The following NRXN3 variants were observed in gnomAD, a reference collection of about 807,000 sequenced individuals.
NRXN3 encodes the protein neurexin III.
NRXN3 carries 32 observed loss-of-function variants against 137.6 expected under a neutral mutation model. The observed-to-expected ratio is 0.23, with a 90% CI of 0.18 to 0.31. The LOEUF is 0.31. Ranked by LOEUF, NRXN3 falls within the 10% of genes least tolerant of loss-of-function variation. NRXN3 has a pLI of 1.00. For synonymous variants in NRXN3, 798 were observed against 784.5 expected (o/e 1.02, Z -0.29); for missense variants, 1,574 against 2,062.5 (o/e 0.76, Z 4.59).
At chr14:78,256,187 G>A (rs530281479) in intron 2 of NRXN3, among the ~76,000 whole-genome samples, 13 of 152,160 alleles carry the variant, frequency 8.5e-5, no homozygotes, top group South Asian at 8.3e-4. Flanking sequence ...AGGCAGGCAC[G>A]TTGTTGTCAC....
At chr14:79,048,441 A>G (rs866410265) in intron 15 of NRXN3, among the ~76,000 whole-genome samples, 2 of 152,288 alleles carry the variant, frequency 1.3e-5, no homozygotes, top group Middle Eastern at 3.4e-3. Flanking sequence ...ATCTCAATAA[A>G]TTGATTGACA....
chr14:78,278,397 G>A (rs2073920673), intron 2 of NRXN3, among the ~76,000 whole-genome samples: 1 of 152,180 alleles, frequency 6.6e-6, no homozygotes, highest in Admixed American at 6.5e-5. Flanking sequence ...CCGGACAGAT[G>A]TGAAGCTTAC....
intron 15 of NRXN3, among the ~76,000 whole-genome samples, chr14:79,297,644 A>T (rs75179562): frequency 0.016 from 2,389 of 152,260 alleles, 74 homozygotes; most frequent in African/African-American, 0.054. Flanking sequence ...GGAAGGACTC[A>T]TTAGCAAACT....
Position 78,926,785 on chromosome 14 carries a change from T to A in NRXN3, c.2276-30457T>A, listed in dbSNP as rs1422722622. Among the ~76,000 whole-genome samples the A allele has an allele frequency of 1.1e-4, 3 of 26,230 alleles. No homozygotes were observed. In the African/African-American group the frequency reaches 1.3e-3, roughly 11 times the overall value. 17.2% of individuals were successfully genotyped at this position (26,230 alleles called of 152,430 possible). A position where few individuals can be genotyped will look rare whatever the true frequency, so the allele number is the denominator to read the frequency against. On this transcript the variant is annotated intron_variant, in intron 10 of 20. Transcript: ENST00000335750. Reference sequence around the variant, plus strand: ...TATTATATATATTATATATATAAAATATATTATATATTATATATTTATATA... The same window carrying A: ...TATTATATATATTATATATATAAAAAATATTATATATTATATATTTATATA...
intron 16 of NRXN3, among the ~76,000 whole-genome samples, chr14:79,585,308 C>A (rs1324447334): frequency 2.0e-5 from 3 of 152,096 alleles, no homozygotes; most frequent in Non-Finnish European, 4.4e-5. Flanking sequence ...AGTAATCATG[C>A]CCAATATAGT....
intron 15 of NRXN3, among the ~76,000 whole-genome samples, chr14:79,253,759 A>T (rs948191045): frequency 6.6e-6 from 1 of 152,198 alleles, no homozygotes; most frequent in Non-Finnish European, 1.5e-5. Context: ...CTCACTCACT[A>T]TCATGAGAAC....
chr14:78,372,333 T>A (rs1040587702), intron 4 of NRXN3, among the ~76,000 whole-genome samples: 2 of 151,862 alleles, frequency 1.3e-5, no homozygotes, highest in African/African-American at 2.4e-5. Flanking sequence ...CTTTAAGTTT[T>A]AGGGTACATG....
chr14:79,354,717 G>A (rs1169725609), intron 15 of NRXN3, among the ~76,000 whole-genome samples: 5 of 152,226 alleles, frequency 3.3e-5, no homozygotes, highest in Non-Finnish European at 7.4e-5. Flanking sequence ...TTAAAATACC[G>A]GAAGGATATC....
At chr14:79,330,531 T>C (rs965010065) in intron 15 of NRXN3, among the ~76,000 whole-genome samples, 1 of 152,078 alleles carries the variant, frequency 6.6e-6, no homozygotes, top group Non-Finnish European at 1.5e-5. Flanking sequence ...TTTTGGTCTA[T>C]TTGAGTTGAT....
At chr14:79,305,868 G>A (rs528596403) in intron 15 of NRXN3, among the ~76,000 whole-genome samples, 1 of 152,188 alleles carries the variant, frequency 6.6e-6, no homozygotes, top group Non-Finnish European at 1.5e-5. Flanking sequence ...GTTCAGATAA[G>A]ATACAATCCT....
At chr14:79,396,144 A>G (rs927777873) in intron 15 of NRXN3, among the ~76,000 whole-genome samples, 2 of 152,036 alleles carry the variant, frequency 1.3e-5, no homozygotes, top group African/African-American at 2.4e-5. Flanking sequence ...TTATTTTTAA[A>G]TGTATTAATA....
chr14:79,701,043 C>T (rs1250477021), intron 19 of NRXN3, among the ~76,000 whole-genome samples: 1 of 151,990 alleles, frequency 6.6e-6, no homozygotes, highest in African/African-American at 2.4e-5. Flanking sequence ...GCTTTATTAC[C>T]TACTTTAGAG....
At chr14:78,481,784 G>A (rs191682046) in intron 4 of NRXN3, among the ~76,000 whole-genome samples, 4 of 152,062 alleles carry the variant, frequency 2.6e-5, no homozygotes, top group Admixed American at 1.3e-4. Flanking sequence ...AAACAGAAAG[G>A]ATATCCCCTC....
intron 8 of NRXN3, among the ~76,000 whole-genome samples, chr14:78,787,624 T>G (rs895479494): frequency 1.4e-4 from 22 of 152,176 alleles, no homozygotes; most frequent in African/African-American, 5.3e-4. Flanking sequence ...AGAGAGTAAA[T>G]GTATTCTCTG....
intron 4 of NRXN3, among the ~76,000 whole-genome samples, chr14:78,470,775 T>C (rs2095248451): frequency 6.6e-6 from 1 of 152,218 alleles, no homozygotes; most frequent in Non-Finnish European, 1.5e-5. Context: ...CACGCTTTTT[T>C]ACATTTTGAA....
At chr14:78,576,075 G>A (rs747879292) in intron 4 of NRXN3, among the ~76,000 whole-genome samples, 50 of 152,162 alleles carry the variant, frequency 3.3e-4, no homozygotes, top group Non-Finnish European at 6.2e-4. Flanking sequence ...GCATGAGGAT[G>A]GTTTGACATG....
intron 4 of NRXN3, among the ~76,000 whole-genome samples, chr14:78,640,730 C>T (rs1424143631): frequency 1.3e-5 from 2 of 152,144 alleles, no homozygotes; most frequent in East Asian, 3.9e-4. Flanking sequence ...TTATACATAT[C>T]TAGATTGCAT....
intron 15 of NRXN3, among the ~76,000 whole-genome samples, chr14:79,403,417 A>C (rs915499921): frequency 6.6e-6 from 1 of 152,150 alleles, no homozygotes; most frequent in African/African-American, 2.4e-5. Flanking sequence ...GGAAGGAAAA[A>C]GGAAGAGAGA....
chr14:79,131,683 C>T (rs922456225), intron 15 of NRXN3, among the ~76,000 whole-genome samples: 1 of 152,234 alleles, frequency 6.6e-6, no homozygotes. Flanking sequence ...AGGCAGGCCT[C>T]CTTGAGCTGT....
Sources: allele counts gnomAD v4.1 joint callset (sites outside exome capture counted in the v4.1 genomes callset), GRCh38; gene constraint gnomAD v4.1.1; transcripts MANE v1.5; gene names NCBI Gene and HGNC (gene_info 2026-07-23, HGNC 2026-07-21).